The following TRDN variants were observed in gnomAD, a reference collection of about 807,000 sequenced individuals.
TRDN encodes triadin in skeletal muscle.
A neutral mutation model predicts 149.7 loss-of-function variants in TRDN; 161 were observed. The observed-to-expected ratio is 1.08, with a 90% CI of 0.95 to 1.23. The LOEUF (loss-of-function observed/expected upper bound fraction) is 1.23, where lower values mean the gene tolerates loss of function less well. Ranked by LOEUF, TRDN falls within the 50% of genes most tolerant of loss-of-function variation. The pLI, the probability that TRDN is intolerant of heterozygous loss-of-function variation, is 0.00. For synonymous variants in TRDN, 294 were observed against 250.5 expected (o/e 1.17, Z -1.64); for missense variants, 896 against 823.5 (o/e 1.09, Z -1.08).
chr6:123,473,123 G>T (rs1263608965), intron 9 of TRDN, among the ~76,000 whole-genome samples: 1 of 152,194 alleles, frequency 6.6e-6, no homozygotes, highest in South Asian at 2.1e-4. Context: ...AGAGAAGAAG[G>T]CTTCAGACGA....
At chr6:123,611,632 T>C (rs1784813957) in intron 1 of TRDN, among the ~76,000 whole-genome samples, 1 of 152,188 alleles carries the variant, frequency 6.6e-6, no homozygotes. Flanking sequence ...CGTTCTATCA[T>C]AGATCAAAAA....
chr6:123,305,400 A>C (rs1198049569), intron 24 of TRDN, among the ~76,000 whole-genome samples: 3 of 152,302 alleles, frequency 2.0e-5, no homozygotes, highest in East Asian at 1.9e-4. Flanking sequence ...ATTGTTATCT[A>C]TCTATAGGCT....
chr6:123,265,859 C>T (rs1055803316), intron 32 of TRDN, among the ~76,000 whole-genome samples: 1 of 146,322 alleles, frequency 6.8e-6, no homozygotes, highest in African/African-American at 2.5e-5. Flanking sequence ...TAAAAAAAAT[C>T]GTAAAGACAT....
rs142884997 is a variant in TRDN, at chr6:123,412,822, C to T, written c.1052-19145G>A. The stretch of plus-strand genomic sequence containing the variant: ...TAAATAATAATGGTAAATCCTAAAA[C>T]GACCAGAATAATTCTCATCATGTGA... On this transcript the variant is annotated intron_variant, in intron 12 of 40. Transcript: ENST00000334268. 4.0e-3 allele frequency among the ~76,000 whole-genome samples: 614 copies of T among 151,866 alleles called. 2 individuals carry two copies. Among genetic ancestry groups the T allele is most frequent in the African/African-American group, 0.014 (582 of 41,446 alleles).
chr6:123,383,550 T>C (rs146845269), intron 14 of TRDN, among the ~76,000 whole-genome samples: 280 of 152,094 alleles, frequency 1.8e-3, no homozygotes, highest in African/African-American at 6.4e-3. Flanking sequence ...AATAAGAGAG[T>C]GTTGATGAAT....
At chr6:123,512,269 A>G in intron 7 of TRDN, 34 bp downstream of exon 7, 1 of 1,243,734 alleles carries the variant, frequency 8.0e-7, no homozygotes, top group African/African-American at 1.5e-5. Context: ...AGTAAAAAGA[A>G]TTTAGTTATG....
intron 24 of TRDN, among the ~76,000 whole-genome samples, chr6:123,289,224 C>T (rs927691971): frequency 1.3e-5 from 2 of 150,598 alleles, no homozygotes; most frequent in African/African-American, 4.9e-5. Context: ...AAAATTCTGT[C>T]ATTTGCAACA....
chr6:123,287,172 T>C (rs977789932), intron 24 of TRDN, among the ~76,000 whole-genome samples: 1 of 152,204 alleles, frequency 6.6e-6, no homozygotes, highest in Non-Finnish European at 1.5e-5. Flanking sequence ...TCCAGTTTCA[T>C]GAATTCGTAT....
chr6:123,557,929 C>T (rs760055035), intron 2 of TRDN, among the ~76,000 whole-genome samples: 1 of 152,024 alleles, frequency 6.6e-6, no homozygotes, highest in Non-Finnish European at 1.5e-5. Flanking sequence ...TCAAAGACCT[C>T]TTCAACTCAC....
intron 10 of TRDN, among the ~76,000 whole-genome samples, chr6:123,458,348 T>A (rs1776254461): frequency 6.6e-6 from 1 of 152,348 alleles, no homozygotes. Flanking sequence ...AGTTTTTAGA[T>A]GTAATTCACA....
chr6:123,583,494 T>TG (rs1323221934), intron 1 of TRDN, among the ~76,000 whole-genome samples: 3 of 151,596 alleles, frequency 2.0e-5, no homozygotes, highest in African/African-American at 7.3e-5. Context: ...TGGTGAGGTG[T>TG]GTTTTTAAAA....
At chr6:123,281,331 C>T (rs1406566502) in intron 24 of TRDN, among the ~76,000 whole-genome samples, 1 of 151,748 alleles carries the variant, frequency 6.6e-6, no homozygotes, top group Admixed American at 6.6e-5. Flanking sequence ...ATATTTTTAC[C>T]CTAAATGTGT....
At chr6:123,578,114 C>T (rs980753477) in intron 1 of TRDN, among the ~76,000 whole-genome samples, 13 of 151,970 alleles carry the variant, frequency 8.6e-5, no homozygotes, top group Admixed American at 3.9e-4. Context: ...TTTCCTTTGC[C>T]GTGCAGAAGC....
chr6:123,623,081 A>T (rs1404150469), intron 1 of TRDN, among the ~76,000 whole-genome samples: 2 of 152,088 alleles, frequency 1.3e-5, no homozygotes, highest in Non-Finnish European at 2.9e-5. Context: ...AAAATAAGTC[A>T]TCACCTTTCA....
chr6:123,636,106 T>C (rs1275476321), intron 1 of TRDN, among the ~76,000 whole-genome samples: 1 of 151,998 alleles, frequency 6.6e-6, no homozygotes. Flanking sequence ...TGCTTTATTT[T>C]AAAAATCATA....
At chr6:123,589,017 G>A (rs1203376156) in intron 1 of TRDN, among the ~76,000 whole-genome samples, 2 of 152,208 alleles carry the variant, frequency 1.3e-5, no homozygotes, top group African/African-American at 2.4e-5. Flanking sequence ...AAATTAACAG[G>A]ACCCATGAAA....
intron 9 of TRDN, among the ~76,000 whole-genome samples, chr6:123,493,756 A>T (rs1042995613): frequency 6.6e-6 from 1 of 152,214 alleles, no homozygotes; most frequent in African/African-American, 2.4e-5. Context: ...CTTGGCAAGA[A>T]TTGTCTTATT....
chr6:123,618,501 A>C (rs1785219787), intron 1 of TRDN, among the ~76,000 whole-genome samples: 1 of 152,176 alleles, frequency 6.6e-6, no homozygotes, highest in Non-Finnish European at 1.5e-5. Context: ...GGTTCTTAAT[A>C]AAACCACATC....
At chr6:123,317,295 C>T (rs1779062389) in intron 23 of TRDN, among the ~76,000 whole-genome samples, 2 of 151,920 alleles carry the variant, frequency 1.3e-5, no homozygotes, top group South Asian at 4.1e-4. Flanking sequence ...AGTCCAGGTA[C>T]ATTACAGTTT....
Sources: gnomAD v4.1 joint callset for allele counts (sites outside exome capture counted in the v4.1 genomes callset) on GRCh38, gnomAD v4.1.1 for gene constraint, MANE v1.5 for transcripts, NCBI Gene and HGNC (gene_info 2026-07-23, HGNC 2026-07-21) for gene names.